The following MAF variants were observed in gnomAD, a reference collection of about 807,000 sequenced individuals.
The protein encoded by MAF is MAF bZIP transcription factor.
MAF carries 10 observed loss-of-function variants against 22.0 expected under a neutral mutation model. The observed-to-expected ratio is 0.45, with a 90% CI of 0.28 to 0.77. The LOEUF is 0.77. MAF is among the 30% of genes least tolerant of loss of function. The pLI is 0.12. For synonymous variants in MAF, 337 were observed against 255.8 expected (o/e 1.32, Z -3.03); for missense variants, 544 against 548.4 (o/e 0.99, Z 0.08).
At chr16:79,472,351 C>G in the MAF span, among the ~76,000 whole-genome samples, 2 of 152,114 alleles carry the variant, frequency 1.3e-5, no homozygotes. Flanking sequence ...TCATAATAAT[C>G]AAAAAGTAGA....
the MAF span, among the ~76,000 whole-genome samples, chr16:79,328,972 G>A: frequency 6.6e-6 from 1 of 152,126 alleles, no homozygotes. Context: ...TCTGTCTTTA[G>A]CTCTTCCTAA....
chr16:79,228,698 G>C, the MAF span, among the ~76,000 whole-genome samples: 1 of 151,978 alleles, frequency 6.6e-6, no homozygotes, highest in Non-Finnish European at 1.5e-5. Context: ...TATTTGTTAT[G>C]GTTGAAAATT....
At chr16:79,271,796 A>C in the MAF span, among the ~76,000 whole-genome samples, 21 of 152,216 alleles carry the variant, frequency 1.4e-4, no homozygotes, top group Admixed American at 2.6e-4. Context: ...TTTCTTTCAA[A>C]TATGGTATAA....
chr16:79,488,241 C>T, the MAF span, among the ~76,000 whole-genome samples: 1 of 152,116 alleles, frequency 6.6e-6, no homozygotes, highest in African/African-American at 2.4e-5. Flanking sequence ...CCTTTTCCTC[C>T]AATTAATGAA....
chr16:79,541,662 G>GT, the MAF span, among the ~76,000 whole-genome samples: 1,864 of 123,858 alleles, frequency 0.015, 25 homozygotes, highest in East Asian at 0.028. Flanking sequence ...GGTTTTTTTA[G>GT]TTTTTTTTTT....
At chr16:79,583,760 G>T (rs1361337489), downstream of MAF, among the ~76,000 whole-genome samples, 1 of 152,178 alleles carries the variant, frequency 6.6e-6, no homozygotes, top group African/African-American at 2.4e-5. Flanking sequence ...GCCACCTTTA[G>T]CGCGAGGTTA....
chr16:79,552,115 T>C, the MAF span, among the ~76,000 whole-genome samples: 1 of 152,220 alleles, frequency 6.6e-6, no homozygotes, highest in East Asian at 1.9e-4. Flanking sequence ...CAAGCAGTCA[T>C]TCTGTGGCAC....
chr16:79,588,477 C>T (rs371737236), intron 1 of MAF, among the ~76,000 whole-genome samples: 1 of 151,938 alleles, frequency 6.6e-6, no homozygotes, highest in Non-Finnish European at 1.5e-5. Flanking sequence ...CTGTTTTGCC[C>T]AGGCTTGAGT....
At chr16:79,397,362 T>A in the MAF span, among the ~76,000 whole-genome samples, 6 of 152,212 alleles carry the variant, frequency 3.9e-5, no homozygotes, top group African/African-American at 1.4e-4. Context: ...AGAGCATATG[T>A]CTTACTCTGT....
chr16:79,272,079 G>C, the MAF span, among the ~76,000 whole-genome samples: 44 of 152,164 alleles, frequency 2.9e-4, no homozygotes, highest in African/African-American at 9.9e-4. Context: ...ACTTGGGTGG[G>C]GGGATGTCAA....
At chr16:79,445,341 C>G in the MAF span, among the ~76,000 whole-genome samples, 1 of 152,176 alleles carries the variant, frequency 6.6e-6, no homozygotes, top group Non-Finnish European at 1.5e-5. Context: ...CTGCGCCCGG[C>G]CAACATACAG....
the MAF span, among the ~76,000 whole-genome samples, chr16:79,216,177 A>C: frequency 1.0e-4 from 15 of 144,664 alleles, no homozygotes; most frequent in Non-Finnish European, 1.8e-4. Flanking sequence ...GTGCACGTGT[A>C]TATGTATATA....
chr16:79,503,755 G>C, the MAF span, among the ~76,000 whole-genome samples: 1 of 152,210 alleles, frequency 6.6e-6, no homozygotes, highest in African/African-American at 2.4e-5. Flanking sequence ...GGCCCAATCA[G>C]AGCAACTGTG....
chr16:79,309,417 C>T, the MAF span, among the ~76,000 whole-genome samples: 1 of 152,210 alleles, frequency 6.6e-6, no homozygotes, highest in Non-Finnish European at 1.5e-5. Context: ...TCTCATACCC[C>T]ACTTCTTTTC....
the MAF span, among the ~76,000 whole-genome samples, chr16:79,271,688 G>A: frequency 1.3e-5 from 2 of 152,202 alleles, no homozygotes; most frequent in African/African-American, 4.8e-5. Context: ...TACTGCTAAG[G>A]AACCTAAGTT....
chr16:79,324,845 G>T, the MAF span, among the ~76,000 whole-genome samples: 1 of 152,130 alleles, frequency 6.6e-6, no homozygotes, highest in African/African-American at 2.4e-5. Flanking sequence ...AGTTCTGGAG[G>T]CCAGAAGTCC....
At chr16:79,315,033 T>C in the MAF span, among the ~76,000 whole-genome samples, 1,967 of 152,376 alleles carry the variant, frequency 0.013, 37 homozygotes, top group African/African-American at 0.045. Flanking sequence ...GTGTGCTACA[T>C]GCTGGCTGGA....
the MAF span, among the ~76,000 whole-genome samples, chr16:79,209,158 G>C: frequency 2.0e-5 from 3 of 152,102 alleles, no homozygotes; most frequent in African/African-American, 7.3e-5. Context: ...TTTTCAAAAA[G>C]GTATGGCTCT....
chr16:79,296,015 GT>G, the MAF span, among the ~76,000 whole-genome samples: 1 of 152,232 alleles, frequency 6.6e-6, no homozygotes, highest in African/African-American at 2.4e-5. Flanking sequence ...GGGTGGGGCT[GT>G]CCCCCTCTGG....
Sources: gnomAD v4.1 joint callset for allele counts (sites outside exome capture counted in the v4.1 genomes callset) on GRCh38, gnomAD v4.1.1 for gene constraint, MANE v1.5 for transcripts, NCBI Gene and HGNC (gene_info 2026-07-23, HGNC 2026-07-21) for gene names.